Variants in YEATS2 observed in about 807,000 individuals in gnomAD.
YEATS2 encodes YEATS domain-containing protein 2.
YEATS2 carries 77 observed loss-of-function variants against 163.2 expected under a neutral mutation model. That is an observed-to-expected ratio of 0.47 (90% confidence interval 0.39 to 0.57). The LOEUF (loss-of-function observed/expected upper bound fraction) is 0.57, where lower values mean the gene tolerates loss of function less well. Ranked by LOEUF, YEATS2 falls within the 20% of genes least tolerant of loss-of-function variation. The pLI, the probability that YEATS2 is intolerant of heterozygous loss-of-function variation, is 0.00. For synonymous variants in YEATS2, 631 were observed against 645.1 expected, an observed-to-expected ratio of 0.98 and a Z score of 0.33; for missense variants, 1,549 against 1,729.8, an observed-to-expected ratio of 0.90 and a Z score of 1.85.
At chr3:183,759,483 C>CCT (rs919308030) in intron 13 of YEATS2, among the ~76,000 whole-genome samples, 34 of 152,164 alleles carry the variant, frequency 2.2e-4, no homozygotes, top group Middle Eastern at 3.4e-3. Flanking sequence ...CTTTTGGACA[C>CCT]CTCTCTCTCT....
intron 11 of YEATS2, 23 bp from the exon 12 acceptor site, chr3:183,756,505 A>G (rs1171443752): frequency 6.6e-7 from 1 of 1,525,518 alleles, no homozygotes; most frequent in Non-Finnish European, 8.8e-7. Flanking sequence ...TTTTGTTTGT[A>G]TTCTCTCTTT....
chr3:183,742,071 A>C (rs1309547112), intron 8 of YEATS2, among the ~76,000 whole-genome samples: 1 of 150,308 alleles, frequency 6.7e-6, no homozygotes, highest in Non-Finnish European at 1.5e-5. Flanking sequence ...TTAGCTGGAC[A>C]TGGTGGCGCT....
At chr3:183,808,777 ACCC>A in intron 29 of YEATS2, 1 of 199,550 alleles carries the variant, frequency 5.0e-6, no homozygotes, top group East Asian at 1.4e-4. Flanking sequence ...AATCGCTTGA[ACCC>A]GGGAGGCGGA....
chr3:183,786,037 A>AT, intron 19 of YEATS2, 88 bp from the exon 20 acceptor site: 1 of 1,445,252 alleles, frequency 6.9e-7, no homozygotes, highest in Non-Finnish European at 9.4e-7. Context: ...TCTCCAAGTC[A>AT]TGGGGCGTAT....
At chr3:183,710,393 C>T (rs1715077277) in intron 1 of YEATS2, among the ~76,000 whole-genome samples, 1 of 152,194 alleles carries the variant, frequency 6.6e-6, no homozygotes, top group African/African-American at 2.4e-5. Context: ...AGCTAGCTAG[C>T]AGTTACTTGC....
chr3:183,708,409 A>G (rs1408157865), intron 1 of YEATS2, among the ~76,000 whole-genome samples: 1 of 152,182 alleles, frequency 6.6e-6, no homozygotes, highest in African/African-American at 2.4e-5. Context: ...ACACAATGGT[A>G]GAGTTCTAGG....
chr3:183,710,722 G>A (rs1209673361), intron 1 of YEATS2, among the ~76,000 whole-genome samples: 1 of 151,524 alleles, frequency 6.6e-6, no homozygotes, highest in Non-Finnish European at 1.5e-5. Context: ...CCTTAAGTGA[G>A]GATAAAATAA....
At chr3:183,798,319 T>C (rs1172929546) in intron 22 of YEATS2, among the ~76,000 whole-genome samples, 1 of 152,126 alleles carries the variant, frequency 6.6e-6, no homozygotes, top group Admixed American at 6.6e-5. Flanking sequence ...ACATTTTAAG[T>C]GTTTATAAGA....
chr3:183,807,285 G>A (rs751457500), intron 28 of YEATS2, 193 bp downstream of exon 28: 32 of 579,934 alleles, frequency 5.5e-5, no homozygotes, highest in Non-Finnish European at 7.3e-5. Flanking sequence ...GGCTCCCACC[G>A]TCCCACATCA....
At chr3:183,745,758 C>G (rs927384550) in intron 8 of YEATS2, among the ~76,000 whole-genome samples, 6 of 152,172 alleles carry the variant, frequency 3.9e-5, no homozygotes, top group Admixed American at 3.3e-4. Flanking sequence ...ACAGCACTTC[C>G]CAAGCCAACA....
At position 183,722,036 on chromosome 3, in the gene YEATS2, A is replaced by G; in HGVS notation, c.437A>G (p.His146Arg). Reference sequence around the variant, plus strand: ...TCAGAAAGTGATTCTTTATCTCAGCACAATGACTTCTTATCTGACAAAGAT... The same window carrying G: ...TCAGAAAGTGATTCTTTATCTCAGCGCAATGACTTCTTATCTGACAAAGAT... Reference protein sequence around the residue: ...NHSESDSLSQHNDFLSDKDNN... With the variant: ...NHSESDSLSQRNDFLSDKDNN... Residue 146 changes from histidine to arginine, a missense_variant, in exon 5 of 31, where the codon CAC becomes CGC. By Grantham distance (29) the His-to-Arg change is conservative (BLOSUM62 0). Coordinates refer to ENST00000305135, the MANE Select transcript of YEATS2 (RefSeq NM_018023.5). The G allele has an allele frequency of 1.2e-6, 2 of 1,614,168 alleles. No homozygotes were observed. The highest frequency in any genetic ancestry group is 1.7e-6 in the Non-Finnish European group (2 of 1,180,038).
intron 27 of YEATS2, among the ~76,000 whole-genome samples, chr3:183,804,586 A>T (rs1036078121): frequency 6.6e-6 from 1 of 152,228 alleles, no homozygotes; most frequent in African/African-American, 2.4e-5. Flanking sequence ...CCTGTGTCTC[A>T]TCTGTTACTT....
chr3:183,775,688 ACAGT>A (rs1722919505), intron 17 of YEATS2, among the ~76,000 whole-genome samples: 1 of 152,226 alleles, frequency 6.6e-6, no homozygotes, highest in South Asian at 2.1e-4. Context: ...GAGCCGAAAT[ACAGT>A]CAGTTGTCAT....
At chr3:183,773,229 T>C (rs551068852) in intron 16 of YEATS2, among the ~76,000 whole-genome samples, 4 of 152,272 alleles carry the variant, frequency 2.6e-5, no homozygotes, top group Admixed American at 2.6e-4. Flanking sequence ...TAACTTTGAC[T>C]TTAAACAAAT....
At chr3:183,750,443 C>T (rs1352882287) in intron 9 of YEATS2, among the ~76,000 whole-genome samples, 1 of 152,290 alleles carries the variant, frequency 6.6e-6, no homozygotes, top group Non-Finnish European at 1.5e-5. Flanking sequence ...TGGGTATATA[C>T]CCAGAAATGG....
At position 183,787,244 on chromosome 3, in the gene YEATS2, G is replaced by A. The variant is rs115258235; in HGVS notation, c.2913+943G>A. On this transcript the variant is annotated intron_variant, in intron 20 of 30. Transcript: ENST00000305135. ...TGGGATTACAGGTGTGAGCCACTGC[G>A]CCCGGCCTGTGATAACTCCTTTTAA... Among the ~76,000 whole-genome samples, 914 of 152,206 alleles carry A rather than the reference G, an allele frequency of 6.0e-3. 10 individuals carry two copies. The highest frequency in any genetic ancestry group is 0.019 in the African/African-American group (789 of 41,532).
At chr3:183,724,990 AC>A (rs1223413642) in intron 6 of YEATS2, among the ~76,000 whole-genome samples, 1 of 131,724 alleles carries the variant, frequency 7.6e-6, no homozygotes, top group Non-Finnish European at 1.6e-5. Flanking sequence ...TGATCCATCC[AC>A]CTTGGCCTCT....
At position 183,776,058 on chromosome 3, in the gene YEATS2, G is replaced by T; in HGVS notation, c.2512G>T (p.Ala838Ser). 1 of 1,613,028 alleles carries T rather than the reference G, an allele frequency of 6.2e-7. No homozygotes were observed. Among genetic ancestry groups the T allele is most frequent in the South Asian group, 1.1e-5 (1 of 90,814 alleles). ...GTAGGGTQST[A>S]GPGGISQHLT... is the part of the protein sequence containing the mutation. ...AGCAGGAGGAGGAACTCAAAGTACT[G>T]CTGGCCCTGGAGGGATATCTCAGCA... The change falls in exon 18 of 31, where the codon GCT (alanine) becomes TCT (serine). Residue 838 changes from alanine to serine, a missense_variant. Coordinates refer to ENST00000305135, the MANE Select transcript of YEATS2 (RefSeq NM_018023.5).
rs202222993 is a variant in YEATS2, at chr3:183,762,152, C to T, written c.1820C>T (p.Ala607Val). Reference sequence around the variant, plus strand: ...CCTCACGTGCCCGCAACAGGAGCTGCCAGCCAGTCACCACTCCCGCAGTAT... The same window carrying T: ...CCTCACGTGCCCGCAACAGGAGCTGTCAGCCAGTCACCACTCCCGCAGTAT... ...EAPHVPATGAASQSPLPQYVT... is the reference protein window; with the variant it reads ...EAPHVPATGAVSQSPLPQYVT... Residue 607 changes from alanine to valine, a missense_variant, in exon 15 of 31, where the codon GCC becomes GTC. Coordinates refer to ENST00000305135, the MANE Select transcript of YEATS2 (RefSeq NM_018023.5). 6.4e-4 allele frequency: 1,026 copies of T among 1,614,122 alleles called. 7 individuals carry two copies. Among genetic ancestry groups the T allele is most frequent in the Non-Finnish European group, 1.5e-4 (173 of 1,180,016 alleles).
Sources: allele counts gnomAD v4.1 joint callset (sites outside exome capture counted in the v4.1 genomes callset), GRCh38; gene constraint gnomAD v4.1.1; transcripts MANE v1.5; gene names NCBI Gene and HGNC (gene_info 2026-07-23, HGNC 2026-07-21).